PDZRN3: variants seen among roughly 807,000 people sequenced by gnomAD.
PDZRN3 encodes the protein PDZ domain containing ring finger 3, also known as E3 ubiquitin-protein ligase PDZRN3.
A neutral mutation model predicts 85.7 loss-of-function variants in PDZRN3; 38 were observed. The observed-to-expected ratio is 0.44, with a 90% CI of 0.34 to 0.58. PDZRN3 has a LOEUF of 0.58. PDZRN3 is among the 20% of genes least tolerant of loss of function. PDZRN3 has a pLI of 0.01. For missense variants in PDZRN3, 1,629 were observed against 1,506.4 expected, an observed-to-expected ratio of 1.08 and a Z score of -1.35; for synonymous variants, 759 against 638.0, an observed-to-expected ratio of 1.19 and a Z score of -2.86.
In PDZRN3 at chr3:73,498,039, G is replaced by A. The variant is rs1053694666; in HGVS notation, c.919-93644C>T. On this transcript the variant is annotated intron_variant, in intron 3 of 9. Coordinates refer to ENST00000263666, the MANE Select transcript of PDZRN3 (RefSeq NM_015009.3). ...AACTCCTTCCTCTCCTCTAGGCAGA[G>A]ATCTGTTATATCTGAAGTTCCGCCA... Among the ~76,000 whole-genome samples, 3 of 152,302 alleles carry A rather than the reference G, an allele frequency of 2.0e-5. No individual in the cohort carries two copies. The South Asian group carries it at 6.2e-4, about 32-fold the overall frequency.
At position 73,384,280 on chromosome 3, in the gene PDZRN3, C is replaced by G. The variant is rs144282889; in HGVS notation, c.2286G>C (p.Glu762Asp). ...KDSSSAYNTG[E>D]SCRSTPLTLE... ...GGGTGAGCGGGGTGCTGCGGCAGCT[C>G]TCGCCTGTGTTGTAGGCGCTCGAGC... Residue 762 changes from glutamate to aspartate, a missense_variant, in exon 10 of 10, where the codon GAG (glutamate) becomes GAC (aspartate). Coordinates refer to ENST00000263666, the MANE Select transcript of PDZRN3 (RefSeq NM_015009.3). The G allele has an allele frequency of 2.7e-4, 430 of 1,613,040 alleles. 2 individuals are homozygous for G. In the Middle Eastern group the frequency reaches 3.0e-3, roughly 11 times the overall value.
In PDZRN3 at chr3:73,624,137, A is replaced by G. The variant is rs961698692; in HGVS notation, c.689T>C (p.Leu230Pro). Residue 230 changes from leucine (L) to proline (P), a missense_variant, in exon 1 of 10, where the codon CTC becomes CCC. Coordinates refer to ENST00000263666, the MANE Select transcript of PDZRN3 (RefSeq NM_015009.3). ...GGGCGGCGCGGCCACGCAGCGGCTG[A>G]GCGAGTCGAGGCGCGCGCTGTATTC... ...FTEYSARLDS[L>P]SRCVAAPPGG... 1 of 1,488,334 alleles carries G rather than the reference A, an allele frequency of 6.7e-7. No individual in the cohort carries two copies. The highest frequency in any genetic ancestry group is 2.9e-5 in the East Asian group (1 of 34,784). The allele number at this position is 1,488,334 out of a possible 1,614,324, so 92.2% of individuals were successfully genotyped here.
chr3:73,540,270 A>T (rs1256262697), intron 3 of PDZRN3, among the ~76,000 whole-genome samples: 1 of 152,174 alleles, frequency 6.6e-6, no homozygotes, highest in Non-Finnish European at 1.5e-5. Flanking sequence ...AAAAAATGTT[A>T]TGAATGGGTA....
intron 1 of PDZRN3, among the ~76,000 whole-genome samples, chr3:73,622,998 T>G (rs970113060): frequency 4.6e-5 from 7 of 152,122 alleles, no homozygotes; most frequent in Admixed American, 2.0e-4. Flanking sequence ...TGCCCCTTAA[T>G]GAGCCTCAGT....
intron 3 of PDZRN3, among the ~76,000 whole-genome samples, chr3:73,457,651 T>A (rs1703013732): frequency 6.6e-6 from 1 of 152,074 alleles, no homozygotes; most frequent in Non-Finnish European, 1.5e-5. Context: ...GTAGTCTGAA[T>A]GTATGTGTCT....
intron 1 of PDZRN3, among the ~76,000 whole-genome samples, chr3:73,617,536 A>G (rs552274963): frequency 1.8e-4 from 28 of 152,284 alleles, no homozygotes; most frequent in Non-Finnish European, 3.5e-4. Context: ...AATGGTGCCT[A>G]CCACAGGGCC....
chr3:73,394,724 T>G (rs1397774329), intron 5 of PDZRN3, among the ~76,000 whole-genome samples: 1 of 152,234 alleles, frequency 6.6e-6, no homozygotes, highest in Non-Finnish European at 1.5e-5. Context: ...TAGAAAAGCT[T>G]CATTTAGAAG....
At chr3:73,424,834 C>T (rs182484878) in intron 3 of PDZRN3, among the ~76,000 whole-genome samples, 5 of 152,152 alleles carry the variant, frequency 3.3e-5, no homozygotes, top group Non-Finnish European at 4.4e-5. Context: ...AGTGAGATAC[C>T]GCTTCATATT....
chr3:73,432,939 A>C lies in PDZRN3; in HGVS notation c.919-28544T>G, dbSNP rs373840308. Among the ~76,000 whole-genome samples the C allele has an allele frequency of 8.5e-5, 13 of 152,324 alleles. No homozygotes were observed. The East Asian group carries it at 2.5e-3, about 29-fold the overall frequency. Reference sequence around the variant, plus strand: ...TTAAGAGTAGGACTTGAATATTTAAAAATAAAACATTTGACAAAGATGTAA... The same window carrying C: ...TTAAGAGTAGGACTTGAATATTTAACAATAAAACATTTGACAAAGATGTAA... On this transcript the variant is annotated intron_variant, in intron 3 of 9. Coordinates refer to ENST00000263666, the MANE Select transcript of PDZRN3 (RefSeq NM_015009.3).
intron 1 of PDZRN3, among the ~76,000 whole-genome samples, chr3:73,609,375 G>A (rs1455426790): frequency 1.3e-5 from 2 of 152,220 alleles, no homozygotes; most frequent in African/African-American, 4.8e-5. Flanking sequence ...GCAGGTCACA[G>A]AGCATAGTGT....
intron 3 of PDZRN3, among the ~76,000 whole-genome samples, chr3:73,579,982 T>C (rs1702175587): frequency 6.6e-6 from 1 of 152,162 alleles, no homozygotes; most frequent in Non-Finnish European, 1.5e-5. Context: ...AAGGAAGGCC[T>C]TTCACATCCC....
intron 3 of PDZRN3, among the ~76,000 whole-genome samples, chr3:73,501,101 C>T (rs1047958987): frequency 1.3e-5 from 2 of 152,152 alleles, no homozygotes; most frequent in Non-Finnish European, 2.9e-5. Flanking sequence ...AAACTCTTTG[C>T]ACAGCTTATC....
At chr3:73,522,630 C>T (rs1271731893) in intron 3 of PDZRN3, among the ~76,000 whole-genome samples, 1 of 152,168 alleles carries the variant, frequency 6.6e-6, no homozygotes. Context: ...AATGGAACTG[C>T]AATAATTTTC....
intron 3 of PDZRN3, among the ~76,000 whole-genome samples, chr3:73,456,148 T>C (rs1702971627): frequency 6.6e-6 from 1 of 152,148 alleles, no homozygotes; most frequent in South Asian, 2.1e-4. Flanking sequence ...GGTCTACGTA[T>C]AAATGTTGAC....
chr3:73,498,588 CTT>C (rs1186666541), intron 3 of PDZRN3, among the ~76,000 whole-genome samples: 4 of 144,052 alleles, frequency 2.8e-5, no homozygotes, highest in Non-Finnish European at 3.0e-5. Flanking sequence ...TGATTCATAA[CTT>C]TTTTTTTTTT....
chr3:73,607,175 C>A (rs1258422861), intron 2 of PDZRN3, among the ~76,000 whole-genome samples: 2 of 152,202 alleles, frequency 1.3e-5, no homozygotes, highest in African/African-American at 2.4e-5. Flanking sequence ...CAGGTGAATG[C>A]GTGTAACACA....
At chr3:73,621,496 G>A (rs1263820237) in intron 1 of PDZRN3, among the ~76,000 whole-genome samples, 1 of 152,196 alleles carries the variant, frequency 6.6e-6, no homozygotes, top group African/African-American at 2.4e-5. Flanking sequence ...CCCAGCAGGA[G>A]CAGAGAGCCG....
chr3:73,614,054 A>G (rs1702724027), intron 1 of PDZRN3, among the ~76,000 whole-genome samples: 1 of 152,200 alleles, frequency 6.6e-6, no homozygotes, highest in Non-Finnish European at 1.5e-5. Flanking sequence ...TCAAGAAGAT[A>G]CAGTTGATTT....
chr3:73,446,295 G>A (rs1449589008), intron 3 of PDZRN3, among the ~76,000 whole-genome samples: 1 of 152,172 alleles, frequency 6.6e-6, no homozygotes, highest in Non-Finnish European at 1.5e-5. Flanking sequence ...CATGGGCAGT[G>A]AGCGTTTCTT....
Sources: gnomAD v4.1 joint callset for allele counts (sites outside exome capture counted in the v4.1 genomes callset) on GRCh38, gnomAD v4.1.1 for gene constraint, MANE v1.5 for transcripts, NCBI Gene and HGNC (gene_info 2026-07-23, HGNC 2026-07-21) for gene names.